Variants in GRM2 observed in about 807,000 individuals in gnomAD.
GRM2 encodes the protein metabotropic glutamate receptor 2.
GRM2 carries 35 observed loss-of-function variants against 60.4 expected under a neutral mutation model. The ratio of observed to expected loss-of-function variants is 0.58; its 90% CI spans 0.44 to 0.77. The LOEUF (loss-of-function observed/expected upper bound fraction) is 0.77, where lower values mean the gene tolerates loss of function less well. GRM2 is among the 30% of genes least tolerant of loss of function. The pLI is 0.00. For synonymous variants in GRM2, 437 were observed against 484.1 expected (o/e 0.90, Z 1.28); for missense variants, 925 against 1,199.5 (o/e 0.77, Z 3.38).
At position 51,709,487 on chromosome 3, in the gene GRM2, C is replaced by A. The variant is rs182791324; in HGVS notation, c.450+54C>A. On this transcript the variant is annotated intron_variant, in intron 2 of 5. Coordinates refer to ENST00000395052, the MANE Select transcript of GRM2 (RefSeq NM_000839.5). The stretch of plus-strand genomic sequence containing the variant: ...AGGGAGGGAGGCCGGAGGTGGTGAC[C>A]CAGAATTCCTGCTGAAAAGGGGCTC... 231 of 1,289,952 alleles carry A rather than the reference C, an allele frequency of 1.8e-4. No individual in the cohort carries two copies. In the African/African-American group the frequency reaches 3.0e-3, roughly 17 times the overall value. 79.9% of individuals were successfully genotyped at this position (1,289,952 alleles called of 1,614,324 possible). A position where few individuals can be genotyped will look rare whatever the true frequency, so the allele number is the denominator to read the frequency against.
chr3:51,713,142 C>G lies in GRM2; in HGVS notation c.1120C>G (p.Gln374Glu), dbSNP rs748058333. The G allele has an allele frequency of 1.9e-6, 3 of 1,613,184 alleles. No homozygotes were observed. Among genetic ancestry groups the G allele is most frequent in the Non-Finnish European group, 2.5e-6 (3 of 1,180,048 alleles). ...CTCTCTCCGGGCTGTGCCCTTTGAGCAGGAGTCCAAGATCATGTTTGTGGT... is the reference window on the plus strand; with the variant it reads ...CTCTCTCCGGGCTGTGCCCTTTGAGGAGGAGTCCAAGATCATGTTTGTGGT... ...AHSLRAVPFE[Q>E]ESKIMFVVNA... is the part of the protein sequence containing the mutation. Residue 374 changes from glutamine (Q) to glutamate (E), a missense_variant, in exon 3 of 6, where the codon CAG becomes GAG. Gln to Glu is a conservative substitution (Grantham distance 29, BLOSUM62 2). Transcript: ENST00000395052. This position sits in a 1 kb window ranked among gnomAD's most constrained non-coding sequence, Gnocchi z 4.8.
In GRM2 at chr3:51,713,911, T is replaced by C. The variant is rs1703813724; in HGVS notation, c.1288+601T>C. 2.2e-6 allele frequency: 1 copy of C among 448,500 alleles called. No homozygotes were observed. Among genetic ancestry groups the C allele is most frequent in the Non-Finnish European group, 4.5e-6 (1 of 221,596 alleles). 27.8% of individuals were successfully genotyped at this position (448,500 alleles called of 1,614,324 possible). ...AGCTAGGATGACAGGCATGTGGCAC[T>C]GCTCCTAGCTTCAGGGAAAATTTCT... On this transcript the variant is annotated intron_variant, in intron 3 of 5. Coordinates refer to ENST00000395052, the MANE Select transcript of GRM2 (RefSeq NM_000839.5). The surrounding 1 kb of genome is among the most constrained non-coding windows in gnomAD (Gnocchi z 4.8).
rs758260283 is a variant in GRM2, at chr3:51,713,655, G to A, written c.1288+345G>A. Reference sequence around the variant, plus strand: ...CATTCTCAGGCAGCACCAAGAGTTAGAATCAGTCTGGCTTGAGGGTGAGCA... The same window carrying A: ...CATTCTCAGGCAGCACCAAGAGTTAAAATCAGTCTGGCTTGAGGGTGAGCA... On this transcript the variant is annotated intron_variant, in intron 3 of 5. Transcript: ENST00000395052. The surrounding 1 kb of genome is among the most constrained non-coding windows in gnomAD (Gnocchi z 4.8). 8.7e-6 allele frequency: 3 copies of A among 344,280 alleles called. No homozygotes were observed. Among genetic ancestry groups the A allele is most frequent in the Non-Finnish European group, 1.6e-5 (3 of 187,072 alleles). 21.3% of individuals were successfully genotyped at this position (344,280 alleles called of 1,614,324 possible). A position where few individuals can be genotyped will look rare whatever the true frequency, so the allele number is the denominator to read the frequency against.
In GRM2 at chr3:51,717,909, C is replaced by A; in HGVS notation, c.2545+92C>A. ...ATCTCTTGTCTGGGGGTGAGGTGCC[C>A]CCCAAATGACACTGGCAGGAGAGGA... On this transcript the variant is annotated intron_variant, in intron 5 of 5. Coordinates refer to ENST00000395052, the MANE Select transcript of GRM2 (RefSeq NM_000839.5). This position sits in a 1 kb window ranked among gnomAD's most constrained non-coding sequence, Gnocchi z 6.0. 6.9e-7 allele frequency: 1 copy of A among 1,443,756 alleles called. No individual in the cohort carries two copies. The highest frequency in any genetic ancestry group is 9.7e-7 in the Non-Finnish European group (1 of 1,027,108). 89.4% of individuals were successfully genotyped at this position (1,443,756 alleles called of 1,614,324 possible). A position where few individuals can be genotyped will look rare whatever the true frequency, so the allele number is the denominator to read the frequency against.
At position 51,716,269 on chromosome 3, in the gene GRM2, G is replaced by A. The variant is rs1577565028; in HGVS notation, c.2364+132G>A. 1.5e-6 allele frequency: 1 copy of A among 656,374 alleles called. No homozygotes were observed. The highest frequency in any genetic ancestry group is 1.9e-5 in the South Asian group (1 of 52,654). 40.7% of individuals were successfully genotyped at this position (656,374 alleles called of 1,614,324 possible). A position where few individuals can be genotyped will look rare whatever the true frequency, so the allele number is the denominator to read the frequency against. The stretch of plus-strand genomic sequence containing the variant: ...CCACTCAGGGGACCACAGCTTGTGT[G>A]GATCCCAAGGGGAAGGTGGGAGGGC... On this transcript the variant is annotated intron_variant, in intron 4 of 5. Coordinates refer to ENST00000395052, the MANE Select transcript of GRM2 (RefSeq NM_000839.5). The surrounding 1 kb of genome is among the most constrained non-coding windows in gnomAD (Gnocchi z 4.0).
chr3:51,708,992 G>A lies in GRM2; in HGVS notation c.9G>A (p.Ser3=), dbSNP rs1483038402. Residue 3 remains serine (S), a synonymous_variant, in exon 2 of 6, where the codon TCG becomes TCA. Coordinates refer to ENST00000395052, the MANE Select transcript of GRM2 (RefSeq NM_000839.5). MG[S]LLALLALLLL... Reference sequence around the variant, plus strand: ...CCATCCCCTTTGGGGCCATGGGATCGCTGCTTGCGCTCCTGGCACTGCTGC... The same window carrying A: ...CCATCCCCTTTGGGGCCATGGGATCACTGCTTGCGCTCCTGGCACTGCTGC... 5.1e-6 allele frequency: 8 copies of A among 1,574,946 alleles called. No individual in the cohort carries two copies. The highest frequency in any genetic ancestry group is 2.3e-5 in the South Asian group (2 of 87,460).
Position 51,716,970 on chromosome 3 carries a change from C to A in GRM2, c.2365-667C>A, listed in dbSNP as rs1027813947. Among the ~76,000 whole-genome samples, 3 of 152,174 alleles carry A rather than the reference C, an allele frequency of 2.0e-5. No homozygotes were observed. Among genetic ancestry groups the A allele is most frequent in the Admixed American group, 6.5e-5 (1 of 15,292 alleles). On this transcript the variant is annotated intron_variant, in intron 4 of 5. Transcript: ENST00000395052. The surrounding 1 kb of genome is among the most constrained non-coding windows in gnomAD (Gnocchi z 4.0). ...CTGGGCTTGGCTGCTCTGCTTGCAC[C>A]TGCTGGGCCACCTGCTTGGGTGGTA... is the stretch of plus-strand genomic sequence containing the variant.
chr3:51,708,812 CCTGGTCTGTTTTT>C, intron 1 of GRM2, 23 bp from the exon 2 acceptor site: 1 of 550,316 alleles, frequency 1.8e-6, no homozygotes. Flanking sequence ...TTCCACTTTT[CCTGGTCTGTTTTT>C]CTGTCTTTCT....
chr3:51,712,403 T>G lies in GRM2; in HGVS notation c.451-70T>G. On this transcript the variant is annotated intron_variant, in intron 2 of 5. Coordinates refer to ENST00000395052, the MANE Select transcript of GRM2 (RefSeq NM_000839.5). This position sits in a 1 kb window ranked among gnomAD's most constrained non-coding sequence, Gnocchi z 5.3. The stretch of plus-strand genomic sequence containing the variant: ...ACACTTGACACCAAGACCTGCTAGC[T>G]GTGGGGGATGCACCTGTCTCTAGTG... The G allele has an allele frequency of 8.0e-6, 8 of 996,026 alleles. No individual in the cohort carries two copies. The highest frequency in any genetic ancestry group is 1.3e-5 in the Non-Finnish European group (8 of 638,810). The allele number at this position is 996,026 out of a possible 1,614,324, so 61.7% of individuals were successfully genotyped here.
chr3:51,707,345 C>T (rs1490671896), intron 1 of GRM2, 178 bp downstream of exon 1: 2 of 152,966 alleles, frequency 1.3e-5, no homozygotes, highest in Non-Finnish European at 2.9e-5. Flanking sequence ...CGCCTTTCTT[C>T]TCCAGAAAAC....
At chr3:51,714,252 T>C (rs1559695575) in intron 3 of GRM2, 1 of 220,530 alleles carries the variant, frequency 4.5e-6, no homozygotes, top group Non-Finnish European at 9.2e-6. Context: ...GTGGAATTTA[T>C]GGTAGGGCTA....
chr3:51,709,583 G>T, intron 2 of GRM2, 150 bp downstream of exon 2: 1 of 600,916 alleles, frequency 1.7e-6, no homozygotes, highest in Non-Finnish European at 2.9e-6. Context: ...CTAAGAAAGT[G>T]CCCTGGTCAC....
At position 51,715,288 on chromosome 3, in the gene GRM2, C is replaced by T. The variant is rs1373996495; in HGVS notation, c.1515C>T (p.Leu505=). The T allele has an allele frequency of 6.2e-7, 1 of 1,611,582 alleles. No individual in the cohort carries two copies. The highest frequency in any genetic ancestry group is 8.5e-7 in the Non-Finnish European group (1 of 1,178,528). The part of the protein sequence containing the change: ...LPASRCSEPC[L]QNEVKSVQPG... ...CCTCTCGCTGCAGTGAGCCCTGCCT[C>T]CAGAATGAGGTGAAGAGTGTGCAGC... Residue 505 remains leucine (L), a synonymous_variant, in exon 4 of 6, where the codon CTC becomes CTT. Coordinates refer to ENST00000395052, the MANE Select transcript of GRM2 (RefSeq NM_000839.5). This position sits in a 1 kb window ranked among gnomAD's most constrained non-coding sequence, Gnocchi z 9.0.
rs765883696 is a variant in GRM2, at chr3:51,715,993, G to A, written c.2220G>A (p.Ala740=). The A allele has an allele frequency of 2.1e-5, 34 of 1,614,040 alleles. No individual in the cohort carries two copies. The highest frequency in any genetic ancestry group is 8.9e-5 in the East Asian group (4 of 44,900). Residue 740 remains alanine, a synonymous_variant, in exon 4 of 6, where the codon GCG becomes GCA. Transcript: ENST00000395052. The surrounding 1 kb of genome is among the most constrained non-coding windows in gnomAD (Gnocchi z 9.0). ...GSLAYNVLLI[A]LCTLYAFKTR... ...TGGCCTACAATGTGCTCCTCATCGCGCTCTGCACGCTTTATGCCTTCAAGA... is the reference window on the plus strand; with the variant it reads ...TGGCCTACAATGTGCTCCTCATCGCACTCTGCACGCTTTATGCCTTCAAGA...
Position 51,716,446 on chromosome 3 carries a change from G to A in GRM2, c.2364+309G>A, listed in dbSNP as rs533288325. Among the ~76,000 whole-genome samples the A allele has an allele frequency of 8.5e-4, 130 of 152,340 alleles. No individual in the cohort carries two copies. The highest frequency in any genetic ancestry group is 2.7e-3 in the Admixed American group (42 of 15,306). On this transcript the variant is annotated intron_variant, in intron 4 of 5. Transcript: ENST00000395052. This position sits in a 1 kb window ranked among gnomAD's most constrained non-coding sequence, Gnocchi z 4.0. ...ACAGGGTTCTGCCCTGCTCCACTGA[G>A]GGGTCATCTGCAGAAGGGGTTGAGA... is the stretch of plus-strand genomic sequence containing the variant.
At chr3:51,708,400 C>T (rs140268695) in intron 1 of GRM2, 1 of 152,502 alleles carries the variant, frequency 6.6e-6, no homozygotes, top group Non-Finnish European at 1.5e-5. Flanking sequence ...CTGGTGGGTC[C>T]TGAGACAGCA....
chr3:51,709,665 CCCTCACACA>C (rs1703623314), intron 2 of GRM2, among the ~76,000 whole-genome samples: 1 of 72,158 alleles, frequency 1.4e-5, no homozygotes, highest in South Asian at 5.6e-4. Context: ...CACACACACA[CCCTCACACA>C]CACACACACA....
chr3:51,716,864 A>G lies in GRM2; in HGVS notation c.2364+727A>G, dbSNP rs1381794750. Among the ~76,000 whole-genome samples, 1 of 152,208 alleles carries G rather than the reference A, an allele frequency of 6.6e-6. No homozygotes were observed. Among genetic ancestry groups the G allele is most frequent in the Non-Finnish European group, 1.5e-5 (1 of 68,036 alleles). ...GTGCAGAGCAGGGTCTGAACTGCAG[A>G]AAAATTGAGGCGAAAGCCCCGGCAA... On this transcript the variant is annotated intron_variant, in intron 4 of 5. Transcript: ENST00000395052. This position sits in a 1 kb window ranked among gnomAD's most constrained non-coding sequence, Gnocchi z 4.0.
Position 51,717,633 on chromosome 3 carries a change from G to T in GRM2, c.2365-4G>T. The T allele has an allele frequency of 6.2e-7, 1 of 1,611,854 alleles. No homozygotes were observed. Among genetic ancestry groups the T allele is most frequent in the Non-Finnish European group, 8.5e-7 (1 of 1,179,052 alleles). ...GTGCTTGTTCACCCACTCACCCACCGCAGGTACAGACCACCACCATGTGCG... is the reference window on the plus strand; with the variant it reads ...GTGCTTGTTCACCCACTCACCCACCTCAGGTACAGACCACCACCATGTGCG... On this transcript the variant is annotated splice_region_variant and splice_polypyrimidine_tract_variant and intron_variant, in intron 4 of 5. Coordinates refer to ENST00000395052, the MANE Select transcript of GRM2 (RefSeq NM_000839.5). This position sits in a 1 kb window ranked among gnomAD's most constrained non-coding sequence, Gnocchi z 6.0.
Sources: gnomAD v4.1 joint callset for allele counts (sites outside exome capture counted in the v4.1 genomes callset) on GRCh38, gnomAD v4.1.1 for gene constraint, Gnocchi (gnomAD v3.1) non-coding constraint, MANE v1.5 for transcripts, NCBI Gene and HGNC (gene_info 2026-07-23, HGNC 2026-07-21) for gene names.